Variants in TIAM1 observed in about 807,000 individuals in gnomAD.
TIAM1 encodes TIAM Rac1 associated GEF 1.
TIAM1 carries 65 observed loss-of-function variants against 163.5 expected under a neutral mutation model. That is an observed-to-expected ratio of 0.40 (90% CI 0.33 to 0.49). TIAM1 has a LOEUF of 0.49. Ranked by LOEUF, TIAM1 falls within the 20% of genes least tolerant of loss-of-function variation. TIAM1 has a pLI of 0.77. For missense variants in TIAM1, 1,789 were observed against 2,044.7 expected (o/e 0.87, Z 2.41); for synonymous variants, 833 against 810.1 (o/e 1.03, Z -0.48).
At chr21:31,445,821 G>C (rs2044602200) in intron 2 of TIAM1, among the ~76,000 whole-genome samples, 1 of 152,172 alleles carries the variant, frequency 6.6e-6, no homozygotes, top group Non-Finnish European at 1.5e-5. Flanking sequence ...GGGGAGGAGA[G>C]ACGCTAAAGG....
intron 2 of TIAM1, among the ~76,000 whole-genome samples, chr21:31,360,492 C>A (rs2076390225): frequency 6.6e-6 from 1 of 151,396 alleles, no homozygotes; most frequent in Non-Finnish European, 1.5e-5. Flanking sequence ...TATGGGTAAT[C>A]CTGAGGTTTT....
In TIAM1 at chr21:31,354,459, AC is replaced by A. The variant is rs372318431; in HGVS notation, c.-368-15038del. ...CTGGGGCCCTTTCACAGAACCAAGG[AC>A]CCCCCCTCCACACCCCCACCACACG... On this transcript the variant is annotated intron_variant, in intron 2 of 28. Coordinates refer to the TIAM1 transcript ENST00000286827. Among the ~76,000 whole-genome samples the A allele has an allele frequency of 9.7e-3, 1,461 of 150,952 alleles. 23 individuals carry two copies. Among genetic ancestry groups the A allele is most frequent in the African/African-American group, 0.034 (1,397 of 41,064 alleles).
At chr21:31,256,821 G>A (rs1054153038) in intron 4 of TIAM1, among the ~76,000 whole-genome samples, 1 of 152,154 alleles carries the variant, frequency 6.6e-6, no homozygotes, top group Admixed American at 6.5e-5. Context: ...CTGTGAGATT[G>A]AGTTAACCCA....
intron 2 of TIAM1, among the ~76,000 whole-genome samples, chr21:31,442,727 C>G (rs1225999962): frequency 6.6e-6 from 1 of 152,104 alleles, no homozygotes; most frequent in Non-Finnish European, 1.5e-5. Flanking sequence ...GAGGATGGGG[C>G]CAGGGTCACA....
chr21:31,280,661 G>A (rs1416806271), intron 2 of TIAM1, among the ~76,000 whole-genome samples: 1 of 152,114 alleles, frequency 6.6e-6, no homozygotes, highest in East Asian at 1.9e-4. Flanking sequence ...AATTGATGGG[G>A]CTGAGAAGTC....
chr21:31,225,796 A>G lies in TIAM1; in HGVS notation c.1739T>C (p.Met580Thr). ...LEQKIDMDEK[M>T]KKMGEMQLSS... Reference sequence around the variant, plus strand: ...CAGCTGCATTTCACCCATTTTCTTCATCTTTTCATCCATGTCAATCTTCTG... The same window carrying G: ...CAGCTGCATTTCACCCATTTTCTTCGTCTTTTCATCCATGTCAATCTTCTG... The change falls in exon 7 of 28, where the codon ATG (methionine) becomes ACG (threonine). Residue 580 changes from methionine (M) to threonine (T), a missense_variant. Met to Thr is a moderately conservative substitution (Grantham distance 81). This residue lies in a region of TIAM1 where 456 missense variants were observed against 586.6 expected (regional missense o/e 0.78). Coordinates refer to ENST00000541036, the MANE Select transcript of TIAM1 (RefSeq NM_001353694.2). 6.2e-7 allele frequency: 1 copy of G among 1,614,032 alleles called. No individual in the cohort carries two copies.
At chr21:31,163,015 C>G (rs1474666659) in intron 16 of TIAM1, among the ~76,000 whole-genome samples, 2 of 152,136 alleles carry the variant, frequency 1.3e-5, no homozygotes, top group Non-Finnish European at 2.9e-5. Context: ...ATACAGGACT[C>G]TGTTTATGAC....
chr21:31,191,557 G>A (rs983156548), intron 13 of TIAM1, among the ~76,000 whole-genome samples: 7 of 152,286 alleles, frequency 4.6e-5, no homozygotes, highest in Non-Finnish European at 1.0e-4. Flanking sequence ...AGAACCTCTT[G>A]TAGCTTTGAC....
chr21:31,352,988 G>A (rs369000268), intron 2 of TIAM1, among the ~76,000 whole-genome samples: 3 of 151,710 alleles, frequency 2.0e-5, no homozygotes, highest in East Asian at 1.9e-4. Context: ...ATCTTCACAC[G>A]CCCAGATAAG....
chr21:31,424,116 G>A (rs2043696395), intron 2 of TIAM1, among the ~76,000 whole-genome samples: 1 of 152,158 alleles, frequency 6.6e-6, no homozygotes, highest in African/African-American at 2.4e-5. Flanking sequence ...TGGTCTAATT[G>A]GGAGAAACCA....
intron 9 of TIAM1, 126 bp from the exon 10 acceptor site, chr21:31,213,598 T>G: frequency 1.3e-6 from 1 of 760,976 alleles, no homozygotes. Flanking sequence ...TACTCCTACA[T>G]CAAATCCCAA....
chr21:31,342,479 T>A (rs1000703041), intron 1 of TIAM1, among the ~76,000 whole-genome samples: 2 of 152,260 alleles, frequency 1.3e-5, no homozygotes, highest in South Asian at 4.1e-4. Context: ...AACAGTCACA[T>A]GTGACAATAT....
rs567320528 is a variant in TIAM1, at chr21:31,371,113, C to T, written c.-368-31691G>A. Among the ~76,000 whole-genome samples the T allele has an allele frequency of 1.3e-4, 20 of 152,358 alleles. 1 individual carries two copies. Among genetic ancestry groups the T allele is most frequent in the Admixed American group, 1.2e-3 (19 of 15,304 alleles). On this transcript the variant is annotated intron_variant, in intron 2 of 28. Transcript: ENST00000286827. ...ACCAGTCATCAAAAGTTCCTGACAA[C>T]AACTTCAATTCAAGCACTTGAAGAG...
At chr21:31,519,860 T>C (rs1174859795) in intron 1 of TIAM1, among the ~76,000 whole-genome samples, 1 of 152,040 alleles carries the variant, frequency 6.6e-6, no homozygotes, top group Non-Finnish European at 1.5e-5. Flanking sequence ...TACATAGAGA[T>C]AGAAAGTAGA....
rs558079899 is a variant in TIAM1 at position 31,548,546 on chromosome 21, T to C, written c.-422+10381A>G. ...TTCTGTCACTCAGGCTGGAGTGCAA[T>C]GGCACAATCTCAGCTCACTGCAAAC... On this transcript the variant is annotated intron_variant, in intron 1 of 28. Coordinates refer to the TIAM1 transcript ENST00000286827. Among the ~76,000 whole-genome samples, 5 of 146,372 alleles carry C rather than the reference T, an allele frequency of 3.4e-5. 1 individual carries two copies. Among genetic ancestry groups the C allele is most frequent in the Admixed American group, 2.7e-4 (4 of 14,574 alleles).
chr21:31,233,726 T>G (rs2088568977), intron 6 of TIAM1, among the ~76,000 whole-genome samples: 1 of 152,182 alleles, frequency 6.6e-6, no homozygotes, highest in South Asian at 2.1e-4. Flanking sequence ...AACTTTAAAT[T>G]TGAGGTTTCC....
At chr21:31,270,819 C>A (rs944366119) in intron 3 of TIAM1, among the ~76,000 whole-genome samples, 1 of 152,192 alleles carries the variant, frequency 6.6e-6, no homozygotes, top group Non-Finnish European at 1.5e-5. Flanking sequence ...CCAGGGAAGC[C>A]AAAAGATTGG....
chr21:31,511,611 T>A (rs2147472340), intron 1 of TIAM1, among the ~76,000 whole-genome samples: 1 of 152,326 alleles, frequency 6.6e-6, no homozygotes, highest in Admixed American at 6.5e-5. Flanking sequence ...TGCATGGGTT[T>A]GATAAGTCCT....
intron 16 of TIAM1, among the ~76,000 whole-genome samples, chr21:31,161,843 A>G (rs923818317): frequency 2.6e-5 from 4 of 152,222 alleles, no homozygotes; most frequent in African/African-American, 9.6e-5. Flanking sequence ...TATTCTCAAG[A>G]AAAGCTTCAC....
Sources: gnomAD v4.1 joint callset for allele counts (sites outside exome capture counted in the v4.1 genomes callset) on GRCh38, gnomAD v4.1.1 for gene constraint, gnomAD v4.1.1 regional missense constraint, MANE v1.5 for transcripts, NCBI Gene and HGNC (gene_info 2026-07-23, HGNC 2026-07-21) for gene names.